The following NKAIN2 variants were observed in gnomAD, a reference collection of about 807,000 sequenced individuals.
NKAIN2 encodes the protein sodium/potassium transporting ATPase interacting 2, also known as sodium/potassium-transporting ATPase subunit beta-1-interacting protein 2.
Under a neutral mutation model 32.6 loss-of-function variants are expected in NKAIN2, and 14 were observed. That is an observed-to-expected ratio of 0.43 (90% CI 0.28 to 0.67). NKAIN2 has a LOEUF of 0.67. Ranked by LOEUF, NKAIN2 falls within the 30% of genes least tolerant of loss-of-function variation. NKAIN2 has a pLI of 0.17. For synonymous variants in NKAIN2, 80 were observed against 87.2 expected, an observed-to-expected ratio of 0.92 and a Z score of 0.46; for missense variants, 198 against 258.3, an observed-to-expected ratio of 0.77 and a Z score of 1.60.
At chr6:123,928,116 A>G (rs1168637600) in intron 1 of NKAIN2, among the ~76,000 whole-genome samples, 1 of 152,200 alleles carries the variant, frequency 6.6e-6, no homozygotes, top group Non-Finnish European at 1.5e-5. Context: ...AATGCAGCTG[A>G]AAGCCATTAT....
At chr6:124,543,113 C>A (rs2114848928) in intron 3 of NKAIN2, among the ~76,000 whole-genome samples, 1 of 152,142 alleles carries the variant, frequency 6.6e-6, no homozygotes, top group Non-Finnish European at 1.5e-5. Flanking sequence ...GGGAATATTC[C>A]TTTTTTCTGG....
intron 3 of NKAIN2, among the ~76,000 whole-genome samples, chr6:124,488,716 G>T (rs149335310): frequency 6.6e-6 from 1 of 151,946 alleles, no homozygotes; most frequent in East Asian, 1.9e-4. Context: ...TCTTGGGATG[G>T]TAGAGATTTT....
intron 1 of NKAIN2, among the ~76,000 whole-genome samples, chr6:123,906,376 G>T (rs531274723): frequency 2.0e-5 from 3 of 151,514 alleles, no homozygotes; most frequent in Non-Finnish European, 2.9e-5. Flanking sequence ...CTGCGGTCTC[G>T]ACTTCCTGGG....
chr6:124,054,126 A>C (rs1782535201), intron 1 of NKAIN2, among the ~76,000 whole-genome samples: 1 of 152,088 alleles, frequency 6.6e-6, no homozygotes, highest in Non-Finnish European at 1.5e-5. Context: ...TTTGGATAAA[A>C]TCAAATTAGG....
chr6:124,174,234 A>G (rs983569353), intron 1 of NKAIN2, among the ~76,000 whole-genome samples: 3 of 152,164 alleles, frequency 2.0e-5, no homozygotes, highest in Admixed American at 2.0e-4. Flanking sequence ...AGAATTCAAA[A>G]TTCATGGAAT....
At chr6:123,895,824 A>G (rs1774252389) in intron 1 of NKAIN2, among the ~76,000 whole-genome samples, 1 of 152,230 alleles carries the variant, frequency 6.6e-6, no homozygotes, top group South Asian at 2.1e-4. Flanking sequence ...CTATAAGAGA[A>G]CAAACAGACA....
intron 3 of NKAIN2, among the ~76,000 whole-genome samples, chr6:124,479,694 C>T (rs2114696160): frequency 6.6e-6 from 1 of 152,132 alleles, no homozygotes; most frequent in East Asian, 1.9e-4. Context: ...GATTATTTTG[C>T]CTTTTAATTT....
chr6:124,397,737 G>A (rs1387750887), intron 3 of NKAIN2, among the ~76,000 whole-genome samples: 2 of 152,124 alleles, frequency 1.3e-5, no homozygotes, highest in Non-Finnish European at 2.9e-5. Context: ...GTAGTCAGGT[G>A]TTATTATCTC....
chr6:124,020,596 C>G (rs981443209), intron 1 of NKAIN2, among the ~76,000 whole-genome samples: 2 of 151,918 alleles, frequency 1.3e-5, no homozygotes, highest in African/African-American at 4.8e-5. Flanking sequence ...GACTACATCA[C>G]TAAAGCATAT....
intron 1 of NKAIN2, among the ~76,000 whole-genome samples, chr6:124,278,650 CAT>C (rs57008229): frequency 0.1 from 6,834 of 68,370 alleles, 274 homozygotes; most frequent in Non-Finnish European, 0.12. Context: ...ATACATAGCT[CAT>C]ATATATATAT....
chr6:124,273,525 AC>A (rs1794898972), intron 1 of NKAIN2, among the ~76,000 whole-genome samples: 1 of 152,192 alleles, frequency 6.6e-6, no homozygotes, highest in African/African-American at 2.4e-5. Context: ...GTGAAAATGG[AC>A]TAATACACCA....
intron 1 of NKAIN2, among the ~76,000 whole-genome samples, chr6:123,866,260 ACACT>A (rs1772506721): frequency 6.6e-6 from 1 of 152,088 alleles, no homozygotes; most frequent in African/African-American, 2.4e-5. Flanking sequence ...TCTGACTATT[ACACT>A]GCCTGTCTCC....
chr6:124,129,706 C>T (rs530570908), intron 1 of NKAIN2, among the ~76,000 whole-genome samples: 6 of 152,268 alleles, frequency 3.9e-5, no homozygotes, highest in African/African-American at 9.6e-5. Context: ...CACCCTCTGC[C>T]TCCTGGGTTC....
intron 3 of NKAIN2, among the ~76,000 whole-genome samples, chr6:124,376,978 T>C (rs998116662): frequency 1.3e-5 from 2 of 152,206 alleles, no homozygotes; most frequent in African/African-American, 4.8e-5. Flanking sequence ...TTTGGTATTG[T>C]CAGCCATGTT....
At chr6:124,396,670 T>C (rs931029085) in intron 3 of NKAIN2, among the ~76,000 whole-genome samples, 2 of 152,090 alleles carry the variant, frequency 1.3e-5, no homozygotes, top group African/African-American at 4.8e-5. Flanking sequence ...CCAGAGATCA[T>C]TAAGAATGTG....
At chr6:124,465,630 T>A (rs201975862) in intron 3 of NKAIN2, among the ~76,000 whole-genome samples, 10 of 140,834 alleles carry the variant, frequency 7.1e-5, no homozygotes, top group African/African-American at 2.1e-4. Context: ...AAAGTAAAGT[T>A]AAAAAAAAAA....
At chr6:124,125,411 A>T (rs1056474810) in intron 1 of NKAIN2, among the ~76,000 whole-genome samples, 1 of 152,152 alleles carries the variant, frequency 6.6e-6, no homozygotes, top group African/African-American at 2.4e-5. Context: ...TGTTTATGAG[A>T]CATCAATTTT....
chr6:124,418,341 T>C (rs1774588993), intron 3 of NKAIN2, among the ~76,000 whole-genome samples: 2 of 151,980 alleles, frequency 1.3e-5, no homozygotes, highest in South Asian at 2.1e-4. Context: ...AATATTTTGT[T>C]GTATGACATA....
intron 1 of NKAIN2, among the ~76,000 whole-genome samples, chr6:123,911,793 A>G (rs868018968): frequency 1.7e-4 from 18 of 104,290 alleles, no homozygotes; most frequent in African/African-American, 7.9e-4. Flanking sequence ...ATATATATAT[A>G]TATATATGTA....
Sources: allele counts gnomAD v4.1 joint callset (sites outside exome capture counted in the v4.1 genomes callset), GRCh38; gene constraint gnomAD v4.1.1; transcripts MANE v1.5; gene names NCBI Gene and HGNC (gene_info 2026-07-23, HGNC 2026-07-21).